Variants in N4BP2 observed in about 807,000 individuals in gnomAD.
The protein encoded by N4BP2 is NEDD4-binding protein 2.
N4BP2 carries 91 observed loss-of-function variants against 152.8 expected under a neutral mutation model. The ratio of observed to expected loss-of-function variants is 0.60; its 90% CI spans 0.50 to 0.71. N4BP2 has a LOEUF of 0.71. Ranked by LOEUF, N4BP2 falls within the 30% of genes least tolerant of loss-of-function variation. The probability of loss-of-function intolerance (pLI) is 0.00; values close to 1 mark genes in which losing one functional copy is unlikely to be tolerated. For synonymous variants in N4BP2, 646 were observed against 705.3 expected (o/e 0.92, Z 1.33); for missense variants, 1,923 against 2,059.1 (o/e 0.93, Z 1.28).
intron 1 of N4BP2, among the ~76,000 whole-genome samples, chr4:40,070,886 G>A (rs1037714463): frequency 1.3e-5 from 2 of 150,634 alleles, no homozygotes; most frequent in South Asian, 4.2e-4. Context: ...GTGCAGTGGC[G>A]TGATCTTCGC....
chr4:40,056,858 C>G lies in N4BP2; in HGVS notation c.-384C>G, dbSNP rs1034714008. The G allele has an allele frequency of 1.3e-5, 2 of 152,034 alleles. No homozygotes were observed. The highest frequency in any genetic ancestry group is 4.8e-5 in the African/African-American group (2 of 41,438). The allele number at this position is 152,034 out of a possible 1,614,324, so 9.4% of individuals were successfully genotyped here. A position where few individuals can be genotyped will look rare whatever the true frequency, so the allele number is the denominator to read the frequency against. Reference sequence around the variant, plus strand: ...GCCGGACGGAGAGCGGCAGTGTCTCCCCGCCGGGCGCGCTCGCCGTGTCTC... The same window carrying G: ...GCCGGACGGAGAGCGGCAGTGTCTCGCCGCCGGGCGCGCTCGCCGTGTCTC... On this transcript the variant is annotated 5_prime_UTR_variant, in exon 1 of 18. Transcript: ENST00000261435.
chr4:40,097,192 A>G (rs929252881), intron 2 of N4BP2, 35 bp from the exon 3 acceptor site: 1 of 622,002 alleles, frequency 1.6e-6, no homozygotes, highest in Non-Finnish European at 2.8e-6. Context: ...GGAAATATAT[A>G]TAGTCTGAGT....
intron 7 of N4BP2, among the ~76,000 whole-genome samples, chr4:40,115,516 T>G (rs1408673834): frequency 2.0e-5 from 3 of 152,158 alleles, no homozygotes; most frequent in Non-Finnish European, 4.4e-5. Flanking sequence ...AAAATTTTCA[T>G]ATGTATTATT....
chr4:40,077,706 A>T (rs1436248559), intron 2 of N4BP2, among the ~76,000 whole-genome samples: 3 of 151,818 alleles, frequency 2.0e-5, no homozygotes, highest in Non-Finnish European at 4.4e-5. Flanking sequence ...CGTCCACTTC[A>T]GCCTCCCAAA....
Position 40,122,224 on chromosome 4 carries a change from G to C in N4BP2, c.4113G>C (p.Leu1371=), listed in dbSNP as rs1342427820. 6.2e-7 allele frequency: 1 copy of C among 1,612,434 alleles called. No homozygotes were observed. Among genetic ancestry groups the C allele is most frequent in the East Asian group, 2.2e-5 (1 of 44,830 alleles). The change falls in exon 9 of 18, where the codon CTG becomes CTC. Residue 1371 remains leucine, a synonymous_variant. Transcript: ENST00000261435. ...LNPTPAMAKS[L]TIDCLELALP... ...CCACTCCAGCGATGGCCAAATCTCT[G>C]ACCATAGACTGTCTGGAATTGGCAT...
chr4:40,120,120 C>G lies in N4BP2; in HGVS notation c.2009C>G (p.Pro670Arg), dbSNP rs775882266. 6 of 1,611,888 alleles carry G rather than the reference C, an allele frequency of 3.7e-6. No individual in the cohort carries two copies. In the African/African-American group the frequency reaches 8.0e-5, roughly 22 times the overall value. The part of the protein sequence containing the change: ...KRRKEISDMN[P>R]SIQSALILET... ...AGAAAAGAAATAAGTGATATGAATCCTAGCATTCAAAGTGCTTTAATTCTG... is the reference window on the plus strand; with the variant it reads ...AGAAAAGAAATAAGTGATATGAATCGTAGCATTCAAAGTGCTTTAATTCTG... The change falls in exon 9 of 18, where the codon CCT (proline) becomes CGT (arginine). Residue 670 changes from proline to arginine, a missense_variant. Physicochemically the swap from Pro to Arg is moderately radical, Grantham distance 103. Coordinates refer to ENST00000261435, the MANE Select transcript of N4BP2 (RefSeq NM_018177.6).
the N4BP2 span, among the ~76,000 whole-genome samples, chr4:40,176,888 G>T: frequency 6.6e-6 from 1 of 152,198 alleles, no homozygotes; most frequent in Non-Finnish European, 1.5e-5. Flanking sequence ...GCTCTAGCAG[G>T]AGACTCTGGC....
intron 2 of N4BP2, among the ~76,000 whole-genome samples, chr4:40,092,014 A>ATATATG (rs1714638494): frequency 2.3e-5 from 2 of 85,828 alleles, no homozygotes; most frequent in Non-Finnish European, 4.6e-5. Context: ...AAAATTATAT[A>ATATATG]TATATATATA....
At chr4:40,169,120 C>T in the N4BP2 span, among the ~76,000 whole-genome samples, 3 of 152,048 alleles carry the variant, frequency 2.0e-5, no homozygotes, top group Admixed American at 6.6e-5. Context: ...TGGTGGTTCT[C>T]GCCTGTAATC....
intron 5 of N4BP2, among the ~76,000 whole-genome samples, chr4:40,111,755 A>G (rs943171549): frequency 4.6e-5 from 7 of 152,170 alleles, no homozygotes; most frequent in African/African-American, 1.4e-4. Context: ...AGCTGGGACT[A>G]CAGGTGGGCA....
rs1339326579 is a variant in N4BP2 at position 40,102,889 on chromosome 4, T to C, written c.1044T>C (p.Ala348=). Residue 348 remains alanine, a synonymous_variant, in exon 4 of 18, where the codon GCT becomes GCC. Transcript: ENST00000261435. ...GKDVSYCPVL[A]PLPLLLPPPP... ...ATGTGAGTTACTGCCCGGTACTTGC[T>C]CCTCTCCCATTGCTGTTGCCTCCTC... The C allele has an allele frequency of 1.9e-6, 3 of 1,614,044 alleles. No homozygotes were observed. Among genetic ancestry groups the C allele is most frequent in the Non-Finnish European group, 2.5e-6 (3 of 1,180,050 alleles).
intron 16 of N4BP2, 142 bp from the exon 17 acceptor site, chr4:40,152,638 G>C: frequency 1.3e-6 from 1 of 757,370 alleles, no homozygotes; most frequent in Non-Finnish European, 2.1e-6. Flanking sequence ...TAGCAAATCT[G>C]TCTTACTATT....
chr4:40,129,364 T>A (rs911991414), intron 12 of N4BP2, among the ~76,000 whole-genome samples: 1 of 152,128 alleles, frequency 6.6e-6, no homozygotes, highest in Non-Finnish European at 1.5e-5. Context: ...GTAGCAGGAA[T>A]TACAGGTGTC....
chr4:40,093,915 A>G (rs1487854556), intron 2 of N4BP2, among the ~76,000 whole-genome samples: 3 of 151,990 alleles, frequency 2.0e-5, no homozygotes, highest in Non-Finnish European at 4.4e-5. Context: ...TTGTACTTTT[A>G]GTAGAGATGG....
At chr4:40,187,399 A>G in the N4BP2 span, among the ~76,000 whole-genome samples, 1 of 152,256 alleles carries the variant, frequency 6.6e-6, no homozygotes, top group African/African-American at 2.4e-5. Flanking sequence ...GACACTGGTC[A>G]TTTACTTTCC....
In N4BP2 at chr4:40,123,105, TCCCTCC is replaced by T; in HGVS notation, c.4199-17_4199-12del. 6.6e-7 allele frequency: 1 copy of T among 1,503,842 alleles called. No homozygotes were observed. The highest frequency in any genetic ancestry group is 9.2e-7 in the Non-Finnish European group (1 of 1,087,546). The allele number at this position is 1,503,842 out of a possible 1,614,324, so 93.2% of individuals were successfully genotyped here. A position where few individuals can be genotyped will look rare whatever the true frequency, so the allele number is the denominator to read the frequency against. On this transcript the variant is annotated splice_polypyrimidine_tract_variant and intron_variant, in intron 9 of 17. Transcript: ENST00000261435. ...ATAATGAGTAATGATTACATTTTCTTCCCTCCCCCTTCCCCCACAAGGGTCTCTAAC... is the reference window on the plus strand; with the variant it reads ...ATAATGAGTAATGATTACATTTTCTTCCCTTCCCCCACAAGGGTCTCTAAC...
Position 40,102,774 on chromosome 4 carries a change from A to T in N4BP2, c.929A>T (p.Lys310Ile), listed in dbSNP as rs1353427353. 2.5e-6 allele frequency: 4 copies of T among 1,614,024 alleles called. No individual in the cohort carries two copies. The highest frequency in any genetic ancestry group is 3.4e-6 in the Non-Finnish European group (4 of 1,180,034). ...LDLPGTGGDQ[K>I]STRVSDVFLP... ...TTACCAGGTACAGGTGGGGATCAGA[A>T]ATCTACTCGGGTCTCTGATGTGTTT... is the stretch of plus-strand genomic sequence containing the variant. Residue 310 changes from lysine to isoleucine, a missense_variant, in exon 4 of 18, where the codon AAA becomes ATA. Transcript: ENST00000261435.
downstream of N4BP2, among the ~76,000 whole-genome samples, chr4:40,162,174 A>G (rs2109305379): frequency 6.6e-6 from 1 of 152,282 alleles, no homozygotes; most frequent in East Asian, 1.9e-4. Flanking sequence ...GATCTGGGAA[A>G]TGTTCTTTTA....
chr4:40,104,001 C>T (rs527300673), intron 4 of N4BP2, among the ~76,000 whole-genome samples: 28 of 152,206 alleles, frequency 1.8e-4, no homozygotes, highest in African/African-American at 6.7e-4. Flanking sequence ...GTTGCCCAGG[C>T]TGGAGTGCAG....
Sources: gnomAD v4.1 joint callset for allele counts (sites outside exome capture counted in the v4.1 genomes callset) on GRCh38, gnomAD v4.1.1 for gene constraint, MANE v1.5 for transcripts, NCBI Gene and HGNC (gene_info 2026-07-23, HGNC 2026-07-21) for gene names.